Variants in B4GALNT3 observed in about 807,000 individuals in gnomAD.
B4GALNT3 encodes beta-1,4-N-acetyl-galactosaminyltransferase 3.
A neutral mutation model predicts 120.2 loss-of-function variants in B4GALNT3; 86 were observed. The observed-to-expected ratio is 0.72, with a 90% CI of 0.60 to 0.86. The LOEUF (loss-of-function observed/expected upper bound fraction) is 0.86, where lower values mean the gene tolerates loss of function less well. Among genes scored for constraint, B4GALNT3 ranks in the 40% least tolerant of loss-of-function variants. B4GALNT3 has a pLI of 0.00. For missense variants in B4GALNT3, 1,167 were observed against 1,298.9 expected (o/e 0.90, Z 1.56); for synonymous variants, 518 against 510.4 (o/e 1.01, Z -0.20).
intron 1 of B4GALNT3, among the ~76,000 whole-genome samples, chr12:532,569 G>A (rs1946818612): frequency 6.6e-6 from 1 of 152,172 alleles, no homozygotes; most frequent in Admixed American, 6.5e-5. Flanking sequence ...ATCAAGAATG[G>A]AGGGATTCTT....
chr12:557,012 G>T, intron 15 of B4GALNT3, 146 bp downstream of exon 15: 1 of 883,918 alleles, frequency 1.1e-6, no homozygotes. Flanking sequence ...CTCACAAAAG[G>T]AAAGTCACTG....
intron 1 of B4GALNT3, among the ~76,000 whole-genome samples, chr12:504,266 G>GAGAC (rs996381216): frequency 7.2e-6 from 1 of 138,128 alleles, no homozygotes; most frequent in African/African-American, 2.7e-5. Flanking sequence ...GGGCAACAGC[G>GAGAC]AGACCCTGTC....
chr12:537,671 T>C (rs2120669702), intron 3 of B4GALNT3, among the ~76,000 whole-genome samples: 1 of 152,346 alleles, frequency 6.6e-6, no homozygotes. Flanking sequence ...AGCACGGTGC[T>C]TTGGGGATGA....
intron 4 of B4GALNT3, 114 bp from the exon 5 acceptor site, chr12:544,768 C>A: frequency 9.6e-7 from 1 of 1,040,242 alleles, no homozygotes; most frequent in Non-Finnish European, 1.4e-6. Context: ...ACTCACAAAG[C>A]CACAGCCCTG....
Position 544,906 on chromosome 12 carries a change from G to A in B4GALNT3, c.472G>A (p.Ala158Thr). The change falls in exon 5 of 20, where the codon GCT becomes ACT. Residue 158 changes from alanine (A) to threonine (T), a missense_variant. This residue lies in a region of B4GALNT3 where 983 missense variants were observed against 1,102.5 expected (regional missense o/e 0.89). Coordinates refer to ENST00000266383, the MANE Select transcript of B4GALNT3 (RefSeq NM_173593.4). ...PHIRTTLRKL[A>T]VSPKWTNYGL... is the part of the protein sequence containing the mutation. ...GATTCGCACAACCCTGAGGAAGCTT[G>A]CTGTGTCCCCCAAATGGACCAACTA... 1 of 1,613,972 alleles carries A rather than the reference G, an allele frequency of 6.2e-7. No homozygotes were observed. Among genetic ancestry groups the A allele is most frequent in the Non-Finnish European group, 8.5e-7 (1 of 1,179,950 alleles).
At chr12:463,817 A>T (rs2120406136) in intron 1 of B4GALNT3, among the ~76,000 whole-genome samples, 1 of 152,380 alleles carries the variant, frequency 6.6e-6, no homozygotes, top group South Asian at 2.1e-4. Context: ...ATGTTTGAGA[A>T]TACTGAGCAG....
At chr12:530,403 C>T (rs1946795036) in intron 1 of B4GALNT3, among the ~76,000 whole-genome samples, 1 of 152,218 alleles carries the variant, frequency 6.6e-6, no homozygotes, top group Non-Finnish European at 1.5e-5. Flanking sequence ...GAGGCTCAGG[C>T]CTGCAGTCCC....
intron 14 of B4GALNT3, among the ~76,000 whole-genome samples, chr12:554,946 G>C (rs1255417744): frequency 6.6e-6 from 1 of 152,052 alleles, no homozygotes; most frequent in Admixed American, 6.5e-5. Flanking sequence ...GGGAGACCGG[G>C]GTAGGTGGAT....
At chr12:547,970 G>T in intron 7 of B4GALNT3, 54 bp from the exon 8 acceptor site, 1 of 1,506,816 alleles carries the variant, frequency 6.6e-7, no homozygotes, top group South Asian at 1.1e-5. Context: ...ACAGAGCCGC[G>T]ACCCCAGGGC....
At chr12:557,002 C>T in intron 15 of B4GALNT3, 136 bp downstream of exon 15, 2 of 949,418 alleles carry the variant, frequency 2.1e-6, no homozygotes, top group South Asian at 1.8e-5. Flanking sequence ...GAAACTGAGG[C>T]TCACAAAAGG....
At chr12:541,740 G>T (rs111381221) in intron 3 of B4GALNT3, among the ~76,000 whole-genome samples, 100 of 152,002 alleles carry the variant, frequency 6.6e-4, no homozygotes, top group African/African-American at 2.3e-3. Context: ...TGCATCATCT[G>T]ATGATCCCTT....
chr12:512,481 ACCTTCCG>A (rs1398459432), intron 1 of B4GALNT3, among the ~76,000 whole-genome samples: 1 of 90,824 alleles, frequency 1.1e-5, no homozygotes, highest in Admixed American at 1.3e-4. Flanking sequence ...CCCACCTTCC[ACCTTCCG>A]CCTTCCACCT....
chr12:497,223 G>A (rs906501180), intron 1 of B4GALNT3, among the ~76,000 whole-genome samples: 17 of 151,942 alleles, frequency 1.1e-4, no homozygotes, highest in Admixed American at 2.0e-4. Context: ...CCGCGATCTC[G>A]GCTCACTGCA....
Position 563,467 on chromosome 12 carries a change from G to A in B4GALNT3, c.*2016G>A, listed in dbSNP as rs923958293. The A allele has an allele frequency of 2.6e-5, 4 of 152,190 alleles. No homozygotes were observed. The highest frequency in any genetic ancestry group is 9.7e-5 in the African/African-American group (4 of 41,434). 9.4% of individuals were successfully genotyped at this position (152,190 alleles called of 1,614,324 possible). ...GGTAGGAGAGGGTGTGGGATGGTGGGAGGGGAAGCATTAAATACAGCAACT... is the reference window on the plus strand; with the variant it reads ...GGTAGGAGAGGGTGTGGGATGGTGGAAGGGGAAGCATTAAATACAGCAACT... On this transcript the variant is annotated 3_prime_UTR_variant, in exon 20 of 20. Coordinates refer to ENST00000266383, the MANE Select transcript of B4GALNT3 (RefSeq NM_173593.4).
At chr12:487,713 G>GAA (rs1555152272) in intron 1 of B4GALNT3, among the ~76,000 whole-genome samples, 47 of 106,590 alleles carry the variant, frequency 4.4e-4, no homozygotes, top group East Asian at 2.3e-3. Context: ...ACTCTATCTT[G>GAA]AAAAAAAAAA....
At chr12:475,793 C>T (rs140879093) in intron 1 of B4GALNT3, among the ~76,000 whole-genome samples, 1 of 152,248 alleles carries the variant, frequency 6.6e-6, no homozygotes, top group East Asian at 1.9e-4. Context: ...TCTTGCGTGT[C>T]CCAGCTAGGT....
At chr12:525,547 T>G (rs981183054) in intron 1 of B4GALNT3, among the ~76,000 whole-genome samples, 1 of 152,178 alleles carries the variant, frequency 6.6e-6, no homozygotes, top group Non-Finnish European at 1.5e-5. Context: ...CAATCTTCAG[T>G]TTTTTCATTC....
At chr12:540,297 T>C (rs1946901395) in intron 3 of B4GALNT3, among the ~76,000 whole-genome samples, 3 of 152,174 alleles carry the variant, frequency 2.0e-5, no homozygotes, top group Admixed American at 2.0e-4. Flanking sequence ...CTCTCTTTCA[T>C]CTTTAAGGGG....
intron 1 of B4GALNT3, among the ~76,000 whole-genome samples, chr12:480,329 G>A (rs1946227019): frequency 1.3e-5 from 2 of 152,156 alleles, no homozygotes; most frequent in Non-Finnish European, 2.9e-5. Flanking sequence ...GGCTGTGTGG[G>A]GTCCAGTCTT....
Sources: gnomAD v4.1 joint callset for allele counts (sites outside exome capture counted in the v4.1 genomes callset) on GRCh38, gnomAD v4.1.1 for gene constraint, gnomAD v4.1.1 regional missense constraint, MANE v1.5 for transcripts, NCBI Gene and HGNC (gene_info 2026-07-23, HGNC 2026-07-21) for gene names.